MOSMO: variants seen among roughly 807,000 people sequenced by gnomAD.
The protein encoded by MOSMO is modulator of smoothened protein.
A neutral mutation model predicts 18.4 loss-of-function variants in MOSMO; 5 were observed. The ratio of observed to expected loss-of-function variants is 0.27; its 90% confidence interval spans 0.14 to 0.57. The LOEUF (loss-of-function observed/expected upper bound fraction) is 0.57. MOSMO is among the 20% of genes least tolerant of loss of function. MOSMO has a pLI of 0.92. For missense variants in MOSMO, 138 were observed against 211.8 expected, an observed-to-expected ratio of 0.65 and a Z score of 2.16; for synonymous variants, 82 against 82.3, an observed-to-expected ratio of 1.00 and a Z score of 0.02.
chr16:22,039,629 C>T (rs1198543570), intron 1 of MOSMO, among the ~76,000 whole-genome samples: 3 of 152,028 alleles, frequency 2.0e-5, no homozygotes, highest in African/African-American at 7.3e-5. Flanking sequence ...GCCAGGAGTT[C>T]GAGACCAGCC....
In MOSMO at chr16:22,080,865, T is replaced by G; in HGVS notation, c.489T>G (p.Val163=). The G allele has an allele frequency of 7.1e-7, 1 of 1,403,132 alleles. No individual in the cohort carries two copies. Among genetic ancestry groups the G allele is most frequent in the Non-Finnish European group, 9.3e-7 (1 of 1,078,364 alleles). The allele number at this position is 1,403,132 out of a possible 1,614,324, so 86.9% of individuals were successfully genotyped here. A position where few individuals can be genotyped will look rare whatever the true frequency, so the allele number is the denominator to read the frequency against. ...TIVGLLFAGK[V]CLPG is the part of the protein sequence containing the mutation. ...TAGGACTTCTATTTGCTGGCAAAGT[T>G]TGTTTACCAGGCTGATGAATGTCTA... Residue 163 remains valine (V), a synonymous_variant, in exon 3 of 3, where the codon GTT becomes GTG. Coordinates refer to ENST00000542527, the MANE Select transcript of MOSMO (RefSeq NM_001164579.2).
chr16:22,024,507 T>C (rs543927087), intron 1 of MOSMO, among the ~76,000 whole-genome samples: 7 of 151,920 alleles, frequency 4.6e-5, no homozygotes, highest in African/African-American at 1.7e-4. Flanking sequence ...TGGGACTATA[T>C]AGGCTTATGC....
At chr16:22,035,525 A>T (rs1900091030) in intron 1 of MOSMO, among the ~76,000 whole-genome samples, 1 of 151,738 alleles carries the variant, frequency 6.6e-6, no homozygotes, top group Non-Finnish European at 1.5e-5. Flanking sequence ...TCTCAGATTT[A>T]ATCATACTGA....
chr16:22,026,963 C>T (rs971616053), intron 1 of MOSMO, among the ~76,000 whole-genome samples: 1 of 152,122 alleles, frequency 6.6e-6, no homozygotes, highest in Non-Finnish European at 1.5e-5. Context: ...CTTGAATTAA[C>T]AGAATCAAAG....
At position 22,083,268 on chromosome 16, in the gene MOSMO, A is replaced by C. The variant is rs11646360; in HGVS notation, c.*2388A>C. 1 of 152,522 alleles carries C rather than the reference A, an allele frequency of 6.6e-6. No homozygotes were observed. Among genetic ancestry groups the C allele is most frequent in the Non-Finnish European group, 1.5e-5 (1 of 68,286 alleles). The allele number at this position is 152,522 out of a possible 1,614,324, so 9.4% of individuals were successfully genotyped here. On this transcript the variant is annotated 3_prime_UTR_variant, in exon 3 of 3. Transcript: ENST00000542527. ...TGGTGGTATTGCATTTAAGATTACA[A>C]AATTTAAGGTTTTATTTGTATCTAT... is the stretch of plus-strand genomic sequence containing the variant.
the MOSMO span, chr16:22,092,589 G>C: frequency 1.3e-6 from 2 of 1,548,318 alleles, no homozygotes; most frequent in Non-Finnish European, 8.7e-7. Flanking sequence ...TCCAGGAGAA[G>C]TAAGGCCCTG....
intron 1 of MOSMO, among the ~76,000 whole-genome samples, chr16:22,011,090 A>G (rs1325863690): frequency 6.6e-6 from 1 of 152,180 alleles, no homozygotes; most frequent in African/African-American, 2.4e-5. Context: ...AAACTGTTCG[A>G]AATAATTGCA....
intron 1 of MOSMO, among the ~76,000 whole-genome samples, chr16:22,060,595 G>A (rs539994394): frequency 3.3e-5 from 5 of 151,996 alleles, no homozygotes; most frequent in African/African-American, 7.3e-5. Flanking sequence ...ACAGCTGGCC[G>A]GGCACGGTGG....
chr16:22,079,611 C>G (rs1004322555), intron 2 of MOSMO, among the ~76,000 whole-genome samples: 1 of 152,074 alleles, frequency 6.6e-6, no homozygotes, highest in African/African-American at 2.4e-5. Flanking sequence ...ATGCAAAACT[C>G]AAAGAAGGTT....
intron 2 of MOSMO, 194 bp downstream of exon 2, chr16:22,075,893 A>T (rs1900958490): frequency 1.9e-6 from 1 of 521,754 alleles, no homozygotes; most frequent in South Asian, 2.2e-5. Context: ...GACATCCACA[A>T]CTTTAATCAC....
intron 1 of MOSMO, among the ~76,000 whole-genome samples, chr16:22,011,057 A>T (rs1018355460): frequency 6.6e-6 from 1 of 152,156 alleles, no homozygotes; most frequent in Non-Finnish European, 1.5e-5. Context: ...GGAGCAATGG[A>T]TGTCCAAGGT....
rs890874059 is a variant in MOSMO, at chr16:22,034,744, G to GTT, written c.106+26366_106+26367dup. On this transcript the variant is annotated intron_variant, in intron 1 of 2. Coordinates refer to ENST00000542527, the MANE Select transcript of MOSMO (RefSeq NM_001164579.2). ...CTGTTTTTTTTGTTTGTTTTTTTGGGTTTTTTTTTTTTTTTTTTTTTTTTT... is the reference window on the plus strand; with the variant it reads ...CTGTTTTTTTTGTTTGTTTTTTTGGGTTTTTTTTTTTTTTTTTTTTTTTTTTT... 2.5e-3 allele frequency among the ~76,000 whole-genome samples: 138 copies of GTT among 55,480 alleles called. 8 individuals are homozygous for GTT. Among genetic ancestry groups the GTT allele is most frequent in the Non-Finnish European group, 3.4e-3 (104 of 30,888 alleles). 36.4% of individuals were successfully genotyped at this position (55,480 alleles called of 152,430 possible). A position where few individuals can be genotyped will look rare whatever the true frequency, so the allele number is the denominator to read the frequency against.
rs1901063152 is a variant in MOSMO, at chr16:22,080,765, C to G, written c.389C>G (p.Pro130Arg). The G allele has an allele frequency of 6.7e-7, 1 of 1,503,360 alleles. No individual in the cohort carries two copies. The highest frequency in any genetic ancestry group is 2.3e-5 in the Admixed American group (1 of 44,296). 93.1% of individuals were successfully genotyped at this position (1,503,360 alleles called of 1,614,324 possible). Residue 130 changes from proline (P) to arginine (R), a missense_variant, in exon 3 of 3, where the codon CCT (proline) becomes CGT (arginine). Pro to Arg is a moderately radical substitution (Grantham distance 103, BLOSUM62 -2). Coordinates refer to ENST00000542527, the MANE Select transcript of MOSMO (RefSeq NM_001164579.2). ...TACATCAATGAAGTCGGAGGTCAACCTTATAAATTACCCAACAACACAGTA... is the reference window on the plus strand; with the variant it reads ...TACATCAATGAAGTCGGAGGTCAACGTTATAAATTACCCAACAACACAGTA... ...GFYINEVGGQPYKLPNNTVVG... is the reference protein window; with the variant it reads ...GFYINEVGGQRYKLPNNTVVG...
chr16:22,050,724 A>AT (rs958782007), intron 1 of MOSMO, among the ~76,000 whole-genome samples: 2 of 151,674 alleles, frequency 1.3e-5, no homozygotes, highest in African/African-American at 4.8e-5. Flanking sequence ...CCTTAAAAAA[A>AT]TTTTTTTAAG....
chr16:22,015,712 A>G (rs1480071737), intron 1 of MOSMO, among the ~76,000 whole-genome samples: 1 of 152,192 alleles, frequency 6.6e-6, no homozygotes, highest in Non-Finnish European at 1.5e-5. Context: ...AGGAAATTAG[A>G]TCTCCTGAAC....
intron 1 of MOSMO, among the ~76,000 whole-genome samples, chr16:22,039,785 C>G (rs913975739): frequency 6.6e-6 from 1 of 152,168 alleles, no homozygotes; most frequent in African/African-American, 2.4e-5. Context: ...TCAGACAGGC[C>G]TTCCCTAACC....
chr16:22,013,888 G>T (rs36076554), intron 1 of MOSMO, among the ~76,000 whole-genome samples: 4 of 150,740 alleles, frequency 2.7e-5, no homozygotes, highest in South Asian at 2.1e-4. Flanking sequence ...TTTGGGGGGG[G>T]GGAATCTCAA....
chr16:22,039,924 C>T (rs1259313002), intron 1 of MOSMO, among the ~76,000 whole-genome samples: 1 of 152,152 alleles, frequency 6.6e-6, no homozygotes, highest in African/African-American at 2.4e-5. Flanking sequence ...TGGCTCCCTC[C>T]ACTAGAATAT....
At position 22,080,916 on chromosome 16, in the gene MOSMO, A is replaced by T. The variant is rs1290701521; in HGVS notation, c.*36A>T. 2.9e-6 allele frequency: 3 copies of T among 1,050,058 alleles called. No homozygotes were observed. Among genetic ancestry groups the T allele is most frequent in the Non-Finnish European group, 3.7e-6 (3 of 802,346 alleles). 65.0% of individuals were successfully genotyped at this position (1,050,058 alleles called of 1,614,324 possible). A position where few individuals can be genotyped will look rare whatever the true frequency, so the allele number is the denominator to read the frequency against. ...AATTGCTTGACTCTTATTATTTTTT[A>T]TTTTATTTTATTTTTTTATTTTTGG... On this transcript the variant is annotated 3_prime_UTR_variant, in exon 3 of 3. Transcript: ENST00000542527.
Sources: allele counts gnomAD v4.1 joint callset (sites outside exome capture counted in the v4.1 genomes callset), GRCh38; gene constraint gnomAD v4.1.1; transcripts MANE v1.5; gene names NCBI Gene and HGNC (gene_info 2026-07-23, HGNC 2026-07-21).